The following CFAP77 variants were observed in gnomAD, a reference collection of about 807,000 sequenced individuals.
CFAP77 encodes the protein cilia- and flagella-associated protein 77.
Under a neutral mutation model 31.1 loss-of-function variants are expected in CFAP77, and 25 were observed. The ratio of observed to expected loss-of-function variants is 0.80; its 90% confidence interval spans 0.59 to 1.12. CFAP77 has a LOEUF of 1.12. Among genes scored for constraint, CFAP77 ranks in the 50% most tolerant of loss-of-function variants. The pLI is 0.00. For missense variants in CFAP77, 377 were observed against 397.3 expected (o/e 0.95, Z 0.44); for synonymous variants, 151 against 159.9 (o/e 0.94, Z 0.42).
Position 132,501,846 on chromosome 9 carries a change from CA to C in CFAP77, c.524+2247del. 6.6e-6 allele frequency among the ~76,000 whole-genome samples: 1 copy of C among 152,298 alleles called. No homozygotes were observed. The highest frequency in any genetic ancestry group is 3.4e-3 in the Middle Eastern group (1 of 294). On this transcript the variant is annotated intron_variant, in intron 3 of 5. Transcript: ENST00000393216. This position sits in a 1 kb window ranked among gnomAD's most constrained non-coding sequence, Gnocchi z 4.6. ...CTGATGATGCGCCCTTCCCTGGAGT[CA>C]GGGGTGAAATCAGTCCCTGCAATCT...
chr9:132,470,209 A>C (rs1396305261), intron 1 of CFAP77, among the ~76,000 whole-genome samples: 1 of 152,136 alleles, frequency 6.6e-6, no homozygotes, highest in East Asian at 1.9e-4. Flanking sequence ...CAGTCGCAAC[A>C]GTCATTGGGT....
chr9:132,508,934 C>A, intron 3 of CFAP77, among the ~76,000 whole-genome samples: 1 of 152,190 alleles, frequency 6.6e-6, no homozygotes, highest in Non-Finnish European at 1.5e-5. Flanking sequence ...TATCCACAGG[C>A]CGCATGCTTC....
chr9:132,414,097 C>G (rs1246852351), intron 1 of CFAP77, among the ~76,000 whole-genome samples: 1 of 152,190 alleles, frequency 6.6e-6, no homozygotes, highest in African/African-American at 2.4e-5. Context: ...CTTTTGGCCA[C>G]AACATATGAT....
At chr9:132,462,734 T>C (rs558579994) in intron 1 of CFAP77, among the ~76,000 whole-genome samples, 1 of 152,182 alleles carries the variant, frequency 6.6e-6, no homozygotes, top group South Asian at 2.1e-4. Context: ...GAGAATTGCT[T>C]GAACCTGGGA....
At chr9:132,453,281 T>C (rs551766808) in intron 1 of CFAP77, among the ~76,000 whole-genome samples, 1 of 152,290 alleles carries the variant, frequency 6.6e-6, no homozygotes, top group Non-Finnish European at 1.5e-5. Context: ...TCCTAGCACT[T>C]TGGGAGGCTG....
At chr9:132,474,340 A>G (rs1564217585) in intron 1 of CFAP77, among the ~76,000 whole-genome samples, 1 of 152,110 alleles carries the variant, frequency 6.6e-6, no homozygotes, top group Non-Finnish European at 1.5e-5. Context: ...TCATTCATTT[A>G]TTCACTCACT....
chr9:132,471,683 G>GTTGTTT (rs1172338000), intron 1 of CFAP77, among the ~76,000 whole-genome samples: 1 of 116,454 alleles, frequency 8.6e-6, no homozygotes, highest in Non-Finnish European at 1.8e-5. Flanking sequence ...AGAGAGGGGG[G>GTTGTTT]TTGTTTTTGT....
chr9:132,470,796 G>A (rs1349425235), intron 1 of CFAP77, among the ~76,000 whole-genome samples: 1 of 152,166 alleles, frequency 6.6e-6, no homozygotes, highest in African/African-American at 2.4e-5. Flanking sequence ...ATCACTTGAG[G>A]CCAGGAGTTC....
At chr9:132,446,036 G>A (rs954208987) in intron 1 of CFAP77, among the ~76,000 whole-genome samples, 4 of 152,114 alleles carry the variant, frequency 2.6e-5, no homozygotes, top group South Asian at 2.1e-4. Context: ...AGTGACAGGC[G>A]TTTGCTGTTG....
At chr9:132,411,430 G>C (rs1486349720) in intron 1 of CFAP77, among the ~76,000 whole-genome samples, 1 of 152,174 alleles carries the variant, frequency 6.6e-6, no homozygotes, top group Non-Finnish European at 1.5e-5. Context: ...AGAATTAACT[G>C]AGTTAATTGG....
chr9:132,526,227 G>GT (rs1157145959), intron 3 of CFAP77, among the ~76,000 whole-genome samples: 2 of 149,432 alleles, frequency 1.3e-5, no homozygotes, highest in African/African-American at 2.4e-5. Context: ...TTTTTTTTTT[G>GT]TTTTTTTATT....
chr9:132,410,276 C>A lies in CFAP77; in HGVS notation c.5C>A (p.Pro2Gln). The A allele has an allele frequency of 6.4e-7, 1 of 1,571,176 alleles. No individual in the cohort carries two copies. The highest frequency in any genetic ancestry group is 8.6e-7 in the Non-Finnish European group (1 of 1,160,972). Reference sequence around the variant, plus strand: ...GGCTCCCCGGCGACCTCAAGGATGCCAGAGGCCAGGAGCTCCGGCCCGGAC... The same window carrying A: ...GGCTCCCCGGCGACCTCAAGGATGCAAGAGGCCAGGAGCTCCGGCCCGGAC... MPEARSSGPDLT... is the reference protein window; with the variant it reads MQEARSSGPDLT... The change falls in exon 1 of 6, where the codon CCA becomes CAA. Residue 2 changes from proline to glutamine, a missense_variant. By Grantham distance (76) the Pro-to-Gln change is moderately conservative (BLOSUM62 -1). Coordinates refer to ENST00000393216, the MANE Select transcript of CFAP77 (RefSeq NM_001282957.2).
intron 5 of CFAP77, among the ~76,000 whole-genome samples, chr9:132,549,365 C>G (rs558769989): frequency 1.3e-5 from 2 of 152,364 alleles, no homozygotes; most frequent in African/African-American, 4.8e-5. Context: ...GAATAAGAAT[C>G]ATCTTACGTC....
chr9:132,493,648 C>T (rs927587481), intron 1 of CFAP77, among the ~76,000 whole-genome samples: 1 of 152,226 alleles, frequency 6.6e-6, no homozygotes, highest in Non-Finnish European at 1.5e-5. Context: ...TCTTCGGTCA[C>T]TGCCCCCACC....
At chr9:132,478,491 T>C (rs1262555071) in intron 1 of CFAP77, among the ~76,000 whole-genome samples, 1 of 152,048 alleles carries the variant, frequency 6.6e-6, no homozygotes, top group Non-Finnish European at 1.5e-5. Context: ...ATAATCAGCC[T>C]CCCCCTTGGC....
At chr9:132,432,088 C>T (rs532254051) in intron 1 of CFAP77, among the ~76,000 whole-genome samples, 4 of 152,254 alleles carry the variant, frequency 2.6e-5, no homozygotes, top group South Asian at 2.1e-4. Flanking sequence ...ACACACTGCA[C>T]GTCAGGGAAC....
At chr9:132,510,517 G>A (rs1235751170) in intron 3 of CFAP77, among the ~76,000 whole-genome samples, 4 of 152,208 alleles carry the variant, frequency 2.6e-5, no homozygotes, top group African/African-American at 9.6e-5. Context: ...GGCACTGCAC[G>A]AAGAACCAGG....
chr9:132,483,139 T>C (rs565412534), intron 1 of CFAP77, among the ~76,000 whole-genome samples: 33 of 151,820 alleles, frequency 2.2e-4, no homozygotes, highest in African/African-American at 7.5e-4. Context: ...GGCGTGGTGG[T>C]GCGTGCCTGT....
intron 1 of CFAP77, among the ~76,000 whole-genome samples, chr9:132,483,130 G>A (rs1020507895): frequency 2.0e-5 from 3 of 152,076 alleles, no homozygotes; most frequent in Admixed American, 2.0e-4. Flanking sequence ...AATTAGCCGG[G>A]CGTGGTGGTG....
Sources: allele counts gnomAD v4.1 joint callset (sites outside exome capture counted in the v4.1 genomes callset), GRCh38; gene constraint gnomAD v4.1.1; non-coding constraint Gnocchi (gnomAD v3.1); transcripts MANE v1.5; gene names NCBI Gene and HGNC (gene_info 2026-07-23, HGNC 2026-07-21).